Variants in ALDH1L1 observed in about 807,000 individuals in gnomAD.
The protein encoded by ALDH1L1 is aldehyde dehydrogenase 1 family member L1, also known as cytosolic 10-formyltetrahydrofolate dehydrogenase.
A neutral mutation model predicts 101.1 loss-of-function variants in ALDH1L1; 68 were observed. That is an observed-to-expected ratio of 0.67 (90% CI 0.55 to 0.82). The LOEUF (loss-of-function observed/expected upper bound fraction) is 0.82. Among genes scored for constraint, ALDH1L1 ranks in the 40% least tolerant of loss-of-function variants. ALDH1L1 has a pLI of 0.00. For missense variants in ALDH1L1, 1,087 were observed against 1,172.7 expected, an observed-to-expected ratio of 0.93 and a Z score of 1.07; for synonymous variants, 486 against 470.8, an observed-to-expected ratio of 1.03 and a Z score of -0.42.
intron 9 of ALDH1L1, among the ~76,000 whole-genome samples, chr3:126,139,997 A>G (rs1026912699): frequency 9.2e-5 from 14 of 152,204 alleles, no homozygotes; most frequent in African/African-American, 3.4e-4. Flanking sequence ...GTATTTGAAG[A>G]AATAGTGGCC....
chr3:126,116,934 A>G (rs2079982043), intron 17 of ALDH1L1, among the ~76,000 whole-genome samples: 1 of 152,246 alleles, frequency 6.6e-6, no homozygotes, highest in South Asian at 2.1e-4. Context: ...GGATGAAGAC[A>G]TGAGTTGACC....
intron 1 of ALDH1L1, chr3:126,179,970 C>T (rs2081441734): frequency 6.6e-6 from 1 of 152,190 alleles, no homozygotes; most frequent in South Asian, 2.1e-4. Context: ...GTCGACCCCT[C>T]CAATCACAAG....
chr3:126,181,024 G>T, upstream of ALDH1L1: 1 of 1,594,408 alleles, frequency 6.3e-7, no homozygotes, highest in Non-Finnish European at 8.5e-7. Flanking sequence ...ATTTGCAGCC[G>T]CTTGCAGAGG....
At chr3:126,183,204 G>A (rs1474629263), upstream of ALDH1L1, among the ~76,000 whole-genome samples, 1 of 152,210 alleles carries the variant, frequency 6.6e-6, no homozygotes, top group Non-Finnish European at 1.5e-5. Flanking sequence ...GTCCTTGACA[G>A]CAGTCTCAGC....
intron 12 of ALDH1L1, 104 bp from the exon 13 acceptor site, chr3:126,131,638 C>T (rs2080310299): frequency 7.6e-7 from 1 of 1,323,248 alleles, no homozygotes; most frequent in African/African-American, 1.5e-5. Context: ...CCCTCTACCC[C>T]AGTTCTGCCA....
At chr3:126,172,023 G>A in intron 1 of ALDH1L1, among the ~76,000 whole-genome samples, 1 of 152,140 alleles carries the variant, frequency 6.6e-6, no homozygotes, top group East Asian at 1.9e-4. Context: ...ACAAAAACAA[G>A]AAGATGAAGA....
intron 21 of ALDH1L1, among the ~76,000 whole-genome samples, chr3:126,106,815 T>C (rs1945889618): frequency 1.3e-5 from 2 of 152,052 alleles, no homozygotes; most frequent in African/African-American, 4.8e-5. Context: ...AGCCACTCAG[T>C]GTGGGGGGTG....
chr3:126,124,383 A>T lies in ALDH1L1; in HGVS notation c.1869T>A (p.Val623=). The T allele has an allele frequency of 6.2e-7, 1 of 1,612,266 alleles. No individual in the cohort carries two copies. Among genetic ancestry groups the T allele is most frequent in the Non-Finnish European group, 8.5e-7 (1 of 1,179,238 alleles). ...TLKAGIPKGV[V]NVLPGSGSLV... ...TCTTACCAGATCCTGGGAGGACGTT[A>T]ACCACACCTTTGGGAATGCCGGCCT... The change falls in exon 16 of 23, where the codon GTT becomes GTA. Residue 623 remains valine (V), a synonymous_variant. Transcript: ENST00000393434.
chr3:126,137,813 G>A lies in ALDH1L1; in HGVS notation c.1224C>T (p.Tyr408=), dbSNP rs202148769. The change falls in exon 10 of 23, where the codon TAC becomes TAT. Residue 408 remains tyrosine, a splice_region_variant and synonymous_variant. Coordinates refer to ENST00000393434, the MANE Select transcript of ALDH1L1 (RefSeq NM_012190.4). Reference sequence around the variant, plus strand: ...GCTGCAGGGAGGGCCCAGCACTCACGTAGTCAATGCTGCACTCGCCCTCCT... The same window carrying A: ...GCTGCAGGGAGGGCCCAGCACTCACATAGTCAATGCTGCACTCGCCCTCCT... ...DDEEGECSID[Y]VEMAVNKRTV... is the part of the protein sequence containing the mutation. 39 of 1,613,556 alleles carry A rather than the reference G, an allele frequency of 2.4e-5. No homozygotes were observed. The highest frequency in any genetic ancestry group is 1.7e-4 in the Middle Eastern group (1 of 5,958).
intron 13 of ALDH1L1, among the ~76,000 whole-genome samples, chr3:126,130,607 A>G (rs1418561221): frequency 1.3e-5 from 2 of 152,218 alleles, no homozygotes; most frequent in Admixed American, 6.5e-5. Context: ...TAAGCAGTTG[A>G]GCACATGTAG....
At chr3:126,161,722 TA>T (rs79230066) in intron 1 of ALDH1L1, among the ~76,000 whole-genome samples, 9,314 of 152,180 alleles carry the variant, frequency 0.061, 466 homozygotes, top group East Asian at 0.19. Flanking sequence ...AATAAGATTT[TA>T]TTTTGGAAAA....
At chr3:126,120,595 G>A (rs2080060399) in intron 16 of ALDH1L1, among the ~76,000 whole-genome samples, 1 of 152,134 alleles carries the variant, frequency 6.6e-6, no homozygotes, top group Non-Finnish European at 1.5e-5. Context: ...CCTAAACTAC[G>A]GACTTCGGGG....
chr3:126,133,318 A>G (rs1483406934), intron 12 of ALDH1L1, among the ~76,000 whole-genome samples: 1 of 152,138 alleles, frequency 6.6e-6, no homozygotes, highest in Non-Finnish European at 1.5e-5. Context: ...CCACTGCATC[A>G]CTGTGTGTTG....
At chr3:126,125,394 C>A (rs187870025) in intron 15 of ALDH1L1, among the ~76,000 whole-genome samples, 1 of 152,222 alleles carries the variant, frequency 6.6e-6, no homozygotes, top group Non-Finnish European at 1.5e-5. Context: ...CAGATGGCCT[C>A]AAGCAGCCAT....
At position 126,147,659 on chromosome 3, in the gene ALDH1L1, A is replaced by G. The variant is rs368377191; in HGVS notation, c.985-733T>C. Among the ~76,000 whole-genome samples the G allele has an allele frequency of 7.9e-5, 12 of 152,296 alleles. 1 individual carries two copies. The South Asian group carries it at 1.2e-3, about 16-fold the overall frequency. On this transcript the variant is annotated intron_variant, in intron 8 of 22. Coordinates refer to ENST00000393434, the MANE Select transcript of ALDH1L1 (RefSeq NM_012190.4). ...GGAGGGGCCCCAGCAATATCAGGCCAGGTCCCCACTCTCTGGATGAACTCC... is the reference window on the plus strand; with the variant it reads ...GGAGGGGCCCCAGCAATATCAGGCCGGGTCCCCACTCTCTGGATGAACTCC...
At chr3:126,120,328 A>G (rs1420555028) in intron 16 of ALDH1L1, among the ~76,000 whole-genome samples, 1 of 150,348 alleles carries the variant, frequency 6.7e-6, no homozygotes, top group Non-Finnish European at 1.5e-5. Context: ...ACAAGAAGCC[A>G]TGGAAGAACC....
At chr3:126,158,675 A>T in intron 2 of ALDH1L1, 36 bp from the exon 3 acceptor site, 1 of 1,589,212 alleles carries the variant, frequency 6.3e-7, no homozygotes, top group Non-Finnish European at 8.6e-7. Context: ...GCCCCTCTCC[A>T]TAACCCACCC....
chr3:126,159,692 C>T, intron 2 of ALDH1L1: 4 of 377,350 alleles, frequency 1.1e-5, no homozygotes, highest in South Asian at 8.0e-5. Flanking sequence ...GTAGGAGTCC[C>T]AGCCAGGCCT....
chr3:126,160,853 C>G lies in ALDH1L1; in HGVS notation c.127G>C (p.Gly43Arg). The G allele has an allele frequency of 6.2e-7, 1 of 1,613,750 alleles. No individual in the cohort carries two copies. The highest frequency in any genetic ancestry group is 8.5e-7 in the Non-Finnish European group (1 of 1,179,750). ...PDKDGKADPLGLEAEKDGVPV... is the reference protein window; with the variant it reads ...PDKDGKADPLRLEAEKDGVPV... ...TTCCCTGCTCCATTGGCTCACTCAC[C>G]CAGGGGGTCGGCCTTTCCATCCTTG... The change falls in exon 2 of 23, where the codon GGT (glycine) becomes CGT (arginine). Residue 43 changes from glycine to arginine, a missense_variant and splice_region_variant. Physicochemically the swap from Gly to Arg is moderately radical, Grantham distance 125 (BLOSUM62 -2). Coordinates refer to ENST00000393434, the MANE Select transcript of ALDH1L1 (RefSeq NM_012190.4).
Sources: gnomAD v4.1 joint callset for allele counts (sites outside exome capture counted in the v4.1 genomes callset) on GRCh38, gnomAD v4.1.1 for gene constraint, MANE v1.5 for transcripts, NCBI Gene and HGNC (gene_info 2026-07-23, HGNC 2026-07-21) for gene names.